Variants in MITF observed in about 807,000 individuals in gnomAD.
MITF encodes melanocyte inducing transcription factor, also known as microphthalmia-associated transcription factor.
Under a neutral mutation model 60.5 loss-of-function variants are expected in MITF, and 17 were observed. The ratio of observed to expected loss-of-function variants is 0.28; its 90% CI spans 0.19 to 0.42. The LOEUF is 0.42. Ranked by LOEUF, MITF falls within the 10% of genes least tolerant of loss-of-function variation. MITF has a pLI of 1.00. For missense variants in MITF, 622 were observed against 683.5 expected (o/e 0.91, Z 1.00); for synonymous variants, 260 against 248.5 (o/e 1.05, Z -0.43).
At chr3:69,763,140 C>T (rs1445425231) in intron 1 of MITF, among the ~76,000 whole-genome samples, 2 of 152,114 alleles carry the variant, frequency 1.3e-5, no homozygotes, top group Admixed American at 6.5e-5. Flanking sequence ...CAAAATATAT[C>T]ACTTATGGGA....
chr3:69,948,786 A>G (rs990200235), intron 5 of MITF, among the ~76,000 whole-genome samples: 4 of 152,174 alleles, frequency 2.6e-5, no homozygotes, highest in Admixed American at 6.6e-5. Flanking sequence ...CTCAAAATAA[A>G]CTGACTGGCT....
At chr3:69,837,147 C>T (rs1482059941) in intron 1 of MITF, among the ~76,000 whole-genome samples, 1 of 152,186 alleles carries the variant, frequency 6.6e-6, no homozygotes, top group East Asian at 1.9e-4. Context: ...AGGCATATGT[C>T]TCCATGCTAG....
chr3:69,902,330 T>A (rs1006960883), intron 2 of MITF, among the ~76,000 whole-genome samples: 2 of 152,204 alleles, frequency 1.3e-5, no homozygotes, highest in African/African-American at 2.4e-5. Context: ...ACTAAATATA[T>A]GTATACTTGA....
At chr3:69,893,401 T>A (rs1370751278) in intron 2 of MITF, among the ~76,000 whole-genome samples, 6 of 152,072 alleles carry the variant, frequency 3.9e-5, no homozygotes. Context: ...TCGGGCGATA[T>A]CCATATGTTT....
intron 7 of MITF, 112 bp downstream of exon 7, chr3:69,951,998 C>T: frequency 1.2e-6 from 1 of 800,996 alleles, no homozygotes; most frequent in African/African-American, 1.7e-5. Flanking sequence ...TGTTAAAATT[C>T]TCTCTTATGG....
intron 1 of MITF, among the ~76,000 whole-genome samples, chr3:69,869,416 A>G (rs181859170): frequency 8.6e-4 from 131 of 152,240 alleles, no homozygotes; most frequent in Non-Finnish European, 1.5e-3. Flanking sequence ...GAAGGGGATC[A>G]TTTGAAGGAG....
rs1178182451 is a variant in MITF, at chr3:69,965,355, T to A, written c.*107T>A. 8 of 1,231,452 alleles carry A rather than the reference T, an allele frequency of 6.5e-6. No individual in the cohort carries two copies. The highest frequency in any genetic ancestry group is 2.4e-4 in the Middle Eastern group (1 of 4,188). 76.3% of individuals were successfully genotyped at this position (1,231,452 alleles called of 1,614,324 possible). On this transcript the variant is annotated 3_prime_UTR_variant, in exon 10 of 10. Transcript: ENST00000352241. ...TTGATAATTTTCCTTTAATATGAAA[T>A]TTTTTTTCATGCTTTATCAATAGCC...
At chr3:69,903,598 A>G (rs1268464163) in intron 2 of MITF, among the ~76,000 whole-genome samples, 1 of 152,178 alleles carries the variant, frequency 6.6e-6, no homozygotes, top group Non-Finnish European at 1.5e-5. Context: ...TATGCCAAGC[A>G]ACAGCCTTGT....
intron 7 of MITF, among the ~76,000 whole-genome samples, chr3:69,953,633 A>G (rs963162263): frequency 1.4e-5 from 2 of 146,624 alleles, no homozygotes; most frequent in African/African-American, 2.5e-5. Context: ...ATGTGTGTAT[A>G]TATATATATG....
chr3:69,816,025 AG>A (rs1441539169), intron 1 of MITF, among the ~76,000 whole-genome samples: 1 of 152,158 alleles, frequency 6.6e-6, no homozygotes, highest in African/African-American at 2.4e-5. Flanking sequence ...CCACTTCTGC[AG>A]GTTGGAACTT....
At chr3:69,746,055 A>G (rs1013193304) in intron 1 of MITF, among the ~76,000 whole-genome samples, 2 of 152,186 alleles carry the variant, frequency 1.3e-5, no homozygotes, top group African/African-American at 4.8e-5. Flanking sequence ...AGGTGCCTCA[A>G]CCTGCAGATG....
chr3:69,947,545 G>A (rs2107506928), intron 5 of MITF, among the ~76,000 whole-genome samples: 1 of 152,270 alleles, frequency 6.6e-6, no homozygotes, highest in Middle Eastern at 3.4e-3. Flanking sequence ...CTTAGTTAGA[G>A]GGCCTTGAAA....
chr3:69,857,839 T>C (rs1260020944), intron 1 of MITF, among the ~76,000 whole-genome samples: 1 of 152,158 alleles, frequency 6.6e-6, no homozygotes, highest in Non-Finnish European at 1.5e-5. Context: ...GAATGGATTT[T>C]AATAATTTTG....
chr3:69,902,746 C>T (rs1161852144), intron 2 of MITF, among the ~76,000 whole-genome samples: 2 of 152,088 alleles, frequency 1.3e-5, no homozygotes, highest in African/African-American at 4.8e-5. Flanking sequence ...GATGGTAACA[C>T]ATTCAATTCT....
intron 1 of MITF, among the ~76,000 whole-genome samples, chr3:69,815,493 A>T (rs375180421): frequency 5.3e-5 from 8 of 152,150 alleles, no homozygotes; most frequent in African/African-American, 1.9e-4. Context: ...TGATTAGTAA[A>T]TATCTTTTCT....
intron 2 of MITF, among the ~76,000 whole-genome samples, chr3:69,932,923 G>A (rs2065754331): frequency 6.6e-6 from 1 of 152,032 alleles, no homozygotes; most frequent in Admixed American, 6.6e-5. Context: ...ATTGATTAAA[G>A]GGTAATCCCT....
At chr3:69,894,803 C>G (rs960205820) in intron 2 of MITF, among the ~76,000 whole-genome samples, 3 of 152,154 alleles carry the variant, frequency 2.0e-5, no homozygotes, top group African/African-American at 7.2e-5. Flanking sequence ...GTCACCTTGA[C>G]TGTTCTGTAG....
intron 1 of MITF, among the ~76,000 whole-genome samples, chr3:69,762,495 G>A (rs1038501292): frequency 3.3e-5 from 5 of 152,078 alleles, no homozygotes; most frequent in Non-Finnish European, 5.9e-5. Flanking sequence ...AGATATTATC[G>A]ACAGGGACTC....
intron 8 of MITF, among the ~76,000 whole-genome samples, chr3:69,958,498 C>T (rs1029778585): frequency 5.9e-5 from 9 of 151,782 alleles, no homozygotes; most frequent in African/African-American, 9.7e-5. Context: ...CTCCATTCAC[C>T]GGTTCCACCT....
Sources: gnomAD v4.1 joint callset for allele counts (sites outside exome capture counted in the v4.1 genomes callset) on GRCh38, gnomAD v4.1.1 for gene constraint, MANE v1.5 for transcripts, NCBI Gene and HGNC (gene_info 2026-07-23, HGNC 2026-07-21) for gene names.